The following PLXNA4 variants were observed in gnomAD, a reference collection of about 807,000 sequenced individuals.
PLXNA4 encodes the protein plexin A4.
PLXNA4 carries 44 observed loss-of-function variants against 191.8 expected under a neutral mutation model. The ratio of observed to expected loss-of-function variants is 0.23; its 90% CI spans 0.18 to 0.29. The LOEUF is 0.29. Ranked by LOEUF, PLXNA4 falls within the 10% of genes least tolerant of loss-of-function variation. PLXNA4 has a pLI of 1.00. For missense variants in PLXNA4, 1,800 were observed against 2,488.8 expected, an observed-to-expected ratio of 0.72 and a Z score of 5.89; for synonymous variants, 1,082 against 1,009.5, an observed-to-expected ratio of 1.07 and a Z score of -1.36.
chr7:132,510,320 A>G (rs1404134424), intron 1 of PLXNA4, among the ~76,000 whole-genome samples: 5 of 152,254 alleles, frequency 3.3e-5, no homozygotes, highest in Non-Finnish European at 7.3e-5. Context: ...AAGAAAACCA[A>G]ATAAAGACTT....
chr7:132,271,803 G>A (rs556230902), intron 4 of PLXNA4, among the ~76,000 whole-genome samples: 1 of 152,250 alleles, frequency 6.6e-6, no homozygotes, highest in African/African-American at 2.4e-5. Flanking sequence ...GATTACAGAG[G>A]GTTGGGGAAA....
intron 4 of PLXNA4, among the ~76,000 whole-genome samples, chr7:132,251,226 C>T (rs1281035959): frequency 6.6e-6 from 1 of 152,118 alleles, no homozygotes; most frequent in African/African-American, 2.4e-5. Flanking sequence ...AAGTCACCAA[C>T]CCCCACAAAA....
intron 3 of PLXNA4, among the ~76,000 whole-genome samples, chr7:132,373,187 G>T (rs957912115): frequency 1.3e-4 from 20 of 152,180 alleles, no homozygotes; most frequent in African/African-American, 4.8e-4. Context: ...AACCAGTAGA[G>T]CAGGCAAGAC....
At chr7:132,309,977 C>T (rs1801665653) in intron 3 of PLXNA4, among the ~76,000 whole-genome samples, 1 of 152,204 alleles carries the variant, frequency 6.6e-6, no homozygotes, top group African/African-American at 2.4e-5. Context: ...TAGGCACCGC[C>T]ACCCTAGAGT....
At chr7:132,154,313 G>A (rs149422193) in intron 25 of PLXNA4, among the ~76,000 whole-genome samples, 53 of 152,232 alleles carry the variant, frequency 3.5e-4, no homozygotes, top group African/African-American at 1.0e-3. Context: ...AGCAGGCACC[G>A]GAGAAGAGCT....
At chr7:132,559,715 T>C (rs567499967) in intron 1 of PLXNA4, among the ~76,000 whole-genome samples, 2 of 152,344 alleles carry the variant, frequency 1.3e-5, no homozygotes, top group East Asian at 1.9e-4. Context: ...CAGGAGCCCA[T>C]GTCTACATCT....
chr7:132,574,540 C>G (rs758077659), intron 1 of PLXNA4, among the ~76,000 whole-genome samples: 2 of 152,208 alleles, frequency 1.3e-5, no homozygotes, highest in Admixed American at 6.5e-5. Context: ...ACTCTGAGAA[C>G]GCATGTGTGT....
rs156962 is a variant in PLXNA4, at chr7:132,508,190, T to C, written c.504A>G (p.Ser168=). ...TGTAGGAGACGATCACTCCAAAGAC[T>C]GAGCCGCTCTCGTTGACACCTGACA... ...HYLSGVNESG[S]VFGVIVSYSN... Residue 168 remains serine, a synonymous_variant, in exon 2 of 32, where the codon TCA becomes TCG. Transcript: ENST00000321063. The surrounding 1 kb of genome is among the most constrained non-coding windows in gnomAD (Gnocchi z 4.4). 0.38 allele frequency: 619,044 copies of C among 1,613,876 alleles called. 120,217 individuals are homozygous for C. Among genetic ancestry groups the C allele is most frequent in the African/African-American group, 0.48 (35,994 of 74,900 alleles).
At chr7:132,349,374 G>A (rs1282068615) in intron 3 of PLXNA4, among the ~76,000 whole-genome samples, 2 of 152,174 alleles carry the variant, frequency 1.3e-5, no homozygotes, top group African/African-American at 4.8e-5. Context: ...GGGGTAGGGG[G>A]CTGGTGGGGT....
At chr7:132,172,105 C>T (rs1796304463) in intron 21 of PLXNA4, among the ~76,000 whole-genome samples, 2 of 152,104 alleles carry the variant, frequency 1.3e-5, no homozygotes, top group Non-Finnish European at 2.9e-5. Flanking sequence ...TCAGGAGTGT[C>T]CAAAACAGTT....
intron 4 of PLXNA4, among the ~76,000 whole-genome samples, chr7:132,295,610 C>G (rs1801046422): frequency 6.6e-6 from 1 of 152,112 alleles, no homozygotes; most frequent in South Asian, 2.1e-4. Context: ...ATTCCGCATG[C>G]CCAACCTGTC....
chr7:132,485,843 CT>C (rs1474197075), intron 3 of PLXNA4, among the ~76,000 whole-genome samples: 28 of 152,344 alleles, frequency 1.8e-4, no homozygotes, highest in African/African-American at 6.5e-4. Context: ...TCCTCACCTC[CT>C]TTCCCCCCGC....
At chr7:132,422,493 A>G (rs1794884620) in intron 3 of PLXNA4, among the ~76,000 whole-genome samples, 2 of 152,202 alleles carry the variant, frequency 1.3e-5, no homozygotes, top group Non-Finnish European at 1.5e-5. Context: ...TCCAAAATCC[A>G]TGAATGTGCC....
At chr7:132,379,078 T>A (rs1305776153) in intron 3 of PLXNA4, among the ~76,000 whole-genome samples, 1 of 152,172 alleles carries the variant, frequency 6.6e-6, no homozygotes, top group Non-Finnish European at 1.5e-5. Flanking sequence ...CTCGAACTCC[T>A]GACTTCAGAT....
At chr7:132,502,008 C>T (rs1414460335) in intron 2 of PLXNA4, among the ~76,000 whole-genome samples, 7 of 152,202 alleles carry the variant, frequency 4.6e-5, no homozygotes, top group Non-Finnish European at 1.0e-4. Context: ...TCGTCTAATG[C>T]CATAAACAAC....
chr7:132,164,466 C>T (rs1314737966), intron 23 of PLXNA4, among the ~76,000 whole-genome samples, 178 bp from the exon 24 acceptor site: 1 of 152,210 alleles, frequency 6.6e-6, no homozygotes, highest in Non-Finnish European at 1.5e-5. Flanking sequence ...TTCAGGCTGG[C>T]ATTCCTCCTG....
intron 2 of PLXNA4, among the ~76,000 whole-genome samples, chr7:132,506,967 T>G (rs1798488530): frequency 6.6e-6 from 1 of 152,246 alleles, no homozygotes; most frequent in Admixed American, 6.5e-5. Flanking sequence ...TGCTCTCATT[T>G]TAGCATTTCC....
chr7:132,584,277 C>T (rs2116816967), intron 2 of PLXNA4, among the ~76,000 whole-genome samples: 1 of 152,274 alleles, frequency 6.6e-6, no homozygotes, highest in Admixed American at 6.5e-5. Flanking sequence ...CTTTCCAAGT[C>T]CTGTAGGTAA....
At chr7:132,137,265 T>C (rs1301619306) in intron 30 of PLXNA4, among the ~76,000 whole-genome samples, 1 of 152,172 alleles carries the variant, frequency 6.6e-6, no homozygotes, top group Non-Finnish European at 1.5e-5. Flanking sequence ...GACATTCAAA[T>C]GTGTGGCACA....
Sources: allele counts gnomAD v4.1 joint callset (sites outside exome capture counted in the v4.1 genomes callset), GRCh38; gene constraint gnomAD v4.1.1; non-coding constraint Gnocchi (gnomAD v3.1); transcripts MANE v1.5; gene names NCBI Gene and HGNC (gene_info 2026-07-23, HGNC 2026-07-21).